RFT1: variants seen among roughly 807,000 people sequenced by gnomAD.
RFT1 encodes the protein RFT1 glycolipid translocator homolog.
In RFT1, 43 loss-of-function variants were observed where a neutral mutation model predicts 62.2. The ratio of observed to expected loss-of-function variants is 0.69; its 90% CI spans 0.54 to 0.89. RFT1 has a LOEUF of 0.89. Ranked by LOEUF, RFT1 falls within the 40% of genes least tolerant of loss-of-function variation. The pLI is 0.00. For synonymous variants in RFT1, 262 were observed against 264.6 expected (o/e 0.99, Z 0.10); for missense variants, 605 against 649.9 (o/e 0.93, Z 0.75).
the RFT1 span, among the ~76,000 whole-genome samples, chr3:53,066,884 T>C: frequency 1.3e-5 from 2 of 152,344 alleles, no homozygotes; most frequent in East Asian, 1.9e-4. Flanking sequence ...TCTTTATTCA[T>C]AGTAGCCAAA....
chr3:53,128,449 C>T lies in RFT1; in HGVS notation c.63+1889G>A, dbSNP rs376783340. Among the ~76,000 whole-genome samples the T allele has an allele frequency of 9.8e-5, 15 of 152,294 alleles. No homozygotes were observed. In the East Asian group the frequency reaches 2.5e-3, roughly 25 times the overall value. ...ATGAAACTGAGGTTGCTTACGCCACCCAGTATTTGCCACACACTGCAGTCC... is the reference window on the plus strand; with the variant it reads ...ATGAAACTGAGGTTGCTTACGCCACTCAGTATTTGCCACACACTGCAGTCC... On this transcript the variant is annotated intron_variant, in intron 1 of 12. Coordinates refer to ENST00000296292, the MANE Select transcript of RFT1 (RefSeq NM_052859.4).
At chr3:53,092,120 T>C (rs1701007307) in intron 12 of RFT1, 50 bp from the exon 13 acceptor site, 1 of 1,608,400 alleles carries the variant, frequency 6.2e-7, no homozygotes, top group Non-Finnish European at 8.5e-7. Context: ...TATACCTCCT[T>C]CCTCTGGGAC....
chr3:53,111,201 C>T (rs1302961747), intron 7 of RFT1, among the ~76,000 whole-genome samples: 4 of 151,918 alleles, frequency 2.6e-5, no homozygotes, highest in African/African-American at 4.8e-5. Flanking sequence ...GTCAGGAGAT[C>T]GAGACCATCC....
In RFT1 at chr3:53,091,735, C is replaced by T. The variant is rs767843839; in HGVS notation, c.*168G>A. ...AACTCCCCCCCCGCATTTCAGACTTCGAATGGTCACAGGTGTCTCATGCAG... is the reference window on the plus strand; with the variant it reads ...AACTCCCCCCCCGCATTTCAGACTTTGAATGGTCACAGGTGTCTCATGCAG... On this transcript the variant is annotated 3_prime_UTR_variant, in exon 13 of 13. Transcript: ENST00000296292. 8 of 710,894 alleles carry T rather than the reference C, an allele frequency of 1.1e-5. No individual in the cohort carries two copies. Among genetic ancestry groups the T allele is most frequent in the South Asian group, 3.1e-5 (2 of 64,218 alleles). The allele number at this position is 710,894 out of a possible 1,614,324, so 44.0% of individuals were successfully genotyped here. A position where few individuals can be genotyped will look rare whatever the true frequency, so the allele number is the denominator to read the frequency against.
chr3:53,125,838 A>G, intron 2 of RFT1, 71 bp downstream of exon 2: 1 of 1,163,686 alleles, frequency 8.6e-7, no homozygotes, highest in Non-Finnish European at 1.3e-6. Flanking sequence ...GATGACAAAC[A>G]GGTACAGAGT....
the RFT1 span, among the ~76,000 whole-genome samples, chr3:53,067,467 A>T: frequency 6.6e-6 from 1 of 152,204 alleles, no homozygotes; most frequent in African/African-American, 2.4e-5. Flanking sequence ...ATCTCTGATG[A>T]TGGAGGTGAG....
intron 6 of RFT1, among the ~76,000 whole-genome samples, chr3:53,115,347 G>GA (rs1168834084): frequency 6.6e-6 from 1 of 151,670 alleles, no homozygotes; most frequent in Non-Finnish European, 1.5e-5. Context: ...AGGACTGAAT[G>GA]AAAAAAAATA....
chr3:53,113,548 A>G (rs541994595), intron 6 of RFT1, among the ~76,000 whole-genome samples: 6 of 152,236 alleles, frequency 3.9e-5, no homozygotes, highest in Non-Finnish European at 8.8e-5. Context: ...CAGAAAGCCC[A>G]TCCGTGAAGA....
rs1701024885 is a variant in RFT1 at position 53,092,492 on chromosome 3, C to T, written c.1335G>A (p.Gln445=). ...AGTAGCGGTGGATGAAGCAAAGGCT[C>T]TGCGTGATCCGAATGCCCATGTTAA... ...NCFNMGIRIT[Q]SLCFIHRYYR... The change falls in exon 12 of 13, where the codon CAG becomes CAA. Residue 445 remains glutamine (Q), a synonymous_variant. Coordinates refer to ENST00000296292, the MANE Select transcript of RFT1 (RefSeq NM_052859.4). 1 of 1,612,362 alleles carries T rather than the reference C, an allele frequency of 6.2e-7. No homozygotes were observed. The highest frequency in any genetic ancestry group is 1.3e-5 in the African/African-American group (1 of 74,920).
chr3:53,072,883 G>A, the RFT1 span, among the ~76,000 whole-genome samples: 1 of 152,220 alleles, frequency 6.6e-6, no homozygotes, highest in Non-Finnish European at 1.5e-5. Context: ...ACAGGGCTCC[G>A]CCCGCGACCT....
intron 6 of RFT1, among the ~76,000 whole-genome samples, chr3:53,118,559 A>T (rs1007998054): frequency 4.6e-5 from 7 of 152,178 alleles, no homozygotes; most frequent in Admixed American, 2.6e-4. Flanking sequence ...TAAGTCTCAC[A>T]TATTTTACTA....
At chr3:53,067,684 G>A in the RFT1 span, among the ~76,000 whole-genome samples, 2 of 152,178 alleles carry the variant, frequency 1.3e-5, no homozygotes, top group African/African-American at 2.4e-5. Flanking sequence ...GGGTATGCTC[G>A]ATAGGAGGAG....
At chr3:53,099,072 G>A (rs1701235778) in intron 11 of RFT1, among the ~76,000 whole-genome samples, 1 of 152,132 alleles carries the variant, frequency 6.6e-6, no homozygotes, top group Non-Finnish European at 1.5e-5. Context: ...GTGGAGGAAT[G>A]GAAATCTAGC....
intron 9 of RFT1, among the ~76,000 whole-genome samples, chr3:53,104,832 T>C (rs546835086): frequency 6.6e-6 from 1 of 152,368 alleles, no homozygotes; most frequent in African/African-American, 2.4e-5. Flanking sequence ...GATTAAAATC[T>C]CTTCTTCTGT....
At chr3:53,099,759 C>T (rs1015036689) in intron 10 of RFT1, among the ~76,000 whole-genome samples, 7 of 152,122 alleles carry the variant, frequency 4.6e-5, no homozygotes, top group African/African-American at 1.7e-4. Context: ...GGCCCAAGGC[C>T]AGCAGACTGC....
At chr3:53,096,806 A>AG (rs1701154824) in intron 11 of RFT1, among the ~76,000 whole-genome samples, 2 of 152,108 alleles carry the variant, frequency 1.3e-5, no homozygotes, top group African/African-American at 4.8e-5. Flanking sequence ...GTGCAATGGC[A>AG]TGATCTCCGC....
intron 11 of RFT1, among the ~76,000 whole-genome samples, chr3:53,096,164 T>A (rs1209919599): frequency 3.3e-5 from 5 of 152,188 alleles, no homozygotes; most frequent in Admixed American, 2.6e-4. Context: ...TTGTTTGCTA[T>A]CTGCCTCCCC....
chr3:53,119,083 A>G (rs769133287), intron 6 of RFT1, among the ~76,000 whole-genome samples: 2 of 152,056 alleles, frequency 1.3e-5, no homozygotes, highest in African/African-American at 4.8e-5. Context: ...GCATGGTGGC[A>G]TGTACCTGTA....
chr3:53,072,596 G>A, the RFT1 span, among the ~76,000 whole-genome samples: 1 of 152,228 alleles, frequency 6.6e-6, no homozygotes, highest in Non-Finnish European at 1.5e-5. Context: ...CTCTGCCAAT[G>A]TAGGAGCCAG....
Sources: gnomAD v4.1 joint callset for allele counts (sites outside exome capture counted in the v4.1 genomes callset) on GRCh38, gnomAD v4.1.1 for gene constraint, MANE v1.5 for transcripts, NCBI Gene and HGNC (gene_info 2026-07-23, HGNC 2026-07-21) for gene names.